The following FHIT variants were observed in gnomAD, a reference collection of about 807,000 sequenced individuals.
FHIT encodes fragile histidine triad diadenosine triphosphatase, also known as bis(5'-adenosyl)-triphosphatase.
Under a neutral mutation model 17.9 loss-of-function variants are expected in FHIT, and 19 were observed. The observed-to-expected ratio is 1.06, with a 90% CI of 0.74 to 1.56. The LOEUF is 1.56. FHIT is among the 40% of genes most tolerant of loss of function. The pLI, the probability that FHIT is intolerant of heterozygous loss-of-function variation, is 0.00. For synonymous variants in FHIT, 81 were observed against 69.7 expected (o/e 1.16, Z -0.81); for missense variants, 248 against 189.2 (o/e 1.31, Z -1.82).
chr3:60,444,415 C>T (rs1417243579), intron 5 of FHIT, among the ~76,000 whole-genome samples: 2 of 152,008 alleles, frequency 1.3e-5, no homozygotes, highest in African/African-American at 4.8e-5. Context: ...TGCGGCACTA[C>T]TCACAATAGC....
chr3:60,616,294 A>G (rs1466063226), intron 4 of FHIT, among the ~76,000 whole-genome samples: 3 of 152,244 alleles, frequency 2.0e-5, no homozygotes, highest in Admixed American at 2.0e-4. Context: ...TGAAAATATA[A>G]GCAAAAGTGA....
At chr3:59,991,269 T>C (rs1017567430) in intron 7 of FHIT, among the ~76,000 whole-genome samples, 5 of 152,114 alleles carry the variant, frequency 3.3e-5, no homozygotes, top group African/African-American at 1.2e-4. Flanking sequence ...ATTTACACAG[T>C]AAACCCAATA....
At chr3:60,214,484 C>G (rs1703605703) in intron 5 of FHIT, among the ~76,000 whole-genome samples, 1 of 152,226 alleles carries the variant, frequency 6.6e-6, no homozygotes, top group African/African-American at 2.4e-5. Context: ...TGAAGAGCCT[C>G]CCTGAACTGT....
Position 60,031,821 on chromosome 3 carries a change from G to GA in FHIT, c.104-17670dup, listed in dbSNP as rs547897656. 3.6e-4 allele frequency among the ~76,000 whole-genome samples: 54 copies of GA among 151,874 alleles called. No homozygotes were observed. The Middle Eastern group carries it at 0.01, about 29-fold the overall frequency. On this transcript the variant is annotated intron_variant, in intron 5 of 9. Coordinates refer to ENST00000492590, the MANE Select transcript of FHIT (RefSeq NM_002012.4). ...AGGAAGGAAACACATGAACATGAAT[G>GA]AAAAAAATGACACACAGTTATTTTT...
chr3:61,228,494 TTTGGGTCTTCA>T (rs1362364559), intron 1 of FHIT, among the ~76,000 whole-genome samples: 1 of 152,250 alleles, frequency 6.6e-6, no homozygotes, highest in Non-Finnish European at 1.5e-5. Flanking sequence ...TAACTTCATC[TTTGGGTCTTCA>T]TTTCCTTATG....
chr3:59,964,474 C>T (rs1448453990), intron 7 of FHIT, among the ~76,000 whole-genome samples: 1 of 152,038 alleles, frequency 6.6e-6, no homozygotes, highest in Non-Finnish European at 1.5e-5. Context: ...ACTTCCAGAA[C>T]ATAGAATAAA....
At chr3:61,128,328 C>A (rs376818053) in intron 2 of FHIT, among the ~76,000 whole-genome samples, 170 of 152,296 alleles carry the variant, frequency 1.1e-3, no homozygotes, top group African/African-American at 3.7e-3. Flanking sequence ...CTTAACATCC[C>A]CGATCCTCTA....
chr3:60,709,870 A>C (rs1438324196), intron 4 of FHIT, among the ~76,000 whole-genome samples: 1 of 152,180 alleles, frequency 6.6e-6, no homozygotes, highest in African/African-American at 2.4e-5. Context: ...CATTTTAAAG[A>C]AAATATGTTA....
At chr3:60,737,209 T>C (rs1305904824) in intron 4 of FHIT, among the ~76,000 whole-genome samples, 1 of 152,204 alleles carries the variant, frequency 6.6e-6, no homozygotes, top group African/African-American at 2.4e-5. Flanking sequence ...AGAGCCTCCT[T>C]GTTAATAAAC....
intron 4 of FHIT, among the ~76,000 whole-genome samples, chr3:60,656,053 C>T (rs781928971): frequency 1.3e-5 from 2 of 152,182 alleles, no homozygotes; most frequent in Non-Finnish European, 2.9e-5. Context: ...GCAGTTTAAA[C>T]GATAGCTGCT....
At chr3:59,758,939 A>T (rs891276511) in intron 8 of FHIT, among the ~76,000 whole-genome samples, 1 of 151,898 alleles carries the variant, frequency 6.6e-6, no homozygotes, top group African/African-American at 2.4e-5. Context: ...AGAAAGCTAC[A>T]TTTTTCATGG....
intron 4 of FHIT, among the ~76,000 whole-genome samples, chr3:60,704,031 G>A (rs2041310295): frequency 6.6e-6 from 1 of 152,158 alleles, no homozygotes; most frequent in African/African-American, 2.4e-5. Flanking sequence ...TTGATTGGCA[G>A]AGTTGACCAA....
intron 5 of FHIT, among the ~76,000 whole-genome samples, chr3:60,423,632 G>GTA (rs1317428833): frequency 2.0e-4 from 31 of 151,978 alleles, no homozygotes; most frequent in African/African-American, 7.5e-4. Flanking sequence ...TATGTATTAA[G>GTA]GTCTAACATA....
At chr3:59,897,169 C>A (rs1248958478) in intron 8 of FHIT, among the ~76,000 whole-genome samples, 1 of 152,178 alleles carries the variant, frequency 6.6e-6, no homozygotes, top group Non-Finnish European at 1.5e-5. Flanking sequence ...TCTAAAAGAA[C>A]TTTCTGCAAT....
chr3:61,171,184 T>A (rs1173917682), intron 2 of FHIT, among the ~76,000 whole-genome samples: 1 of 152,224 alleles, frequency 6.6e-6, no homozygotes, highest in Non-Finnish European at 1.5e-5. Flanking sequence ...CGGTGTTGAT[T>A]TGCATTTCTC....
intron 5 of FHIT, among the ~76,000 whole-genome samples, chr3:60,124,611 A>T (rs1705457441): frequency 6.6e-6 from 1 of 152,128 alleles, no homozygotes; most frequent in Non-Finnish European, 1.5e-5. Context: ...ATCTTCTTTA[A>T]TCAAAGTGTC....
chr3:59,756,135 A>T lies in FHIT; in HGVS notation c.349-3814T>A, dbSNP rs576830871. Among the ~76,000 whole-genome samples, 341 of 152,204 alleles carry T rather than the reference A, an allele frequency of 2.2e-3. 5 individuals are homozygous for T. The highest frequency in any genetic ancestry group is 7.9e-3 in the African/African-American group (328 of 41,496). On this transcript the variant is annotated intron_variant, in intron 8 of 9. Coordinates refer to ENST00000492590, the MANE Select transcript of FHIT (RefSeq NM_002012.4). ...GACCTAATGACAGCGAGCACTAAAA[A>T]TTCCACAGAGGTTGTTTCTAGGAGT...
At chr3:59,966,631 T>C in intron 7 of FHIT, among the ~76,000 whole-genome samples, 1 of 152,200 alleles carries the variant, frequency 6.6e-6, no homozygotes, top group East Asian at 1.9e-4. Flanking sequence ...AGTATTCATG[T>C]ATCTAAATAA....
chr3:60,202,037 T>C (rs1702937340), intron 5 of FHIT, among the ~76,000 whole-genome samples: 1 of 152,158 alleles, frequency 6.6e-6, no homozygotes, highest in South Asian at 2.1e-4. Context: ...AGAAAAATAA[T>C]CTTGGAAATT....
Sources: allele counts gnomAD v4.1 joint callset (sites outside exome capture counted in the v4.1 genomes callset), GRCh38; gene constraint gnomAD v4.1.1; transcripts MANE v1.5; gene names NCBI Gene and HGNC (gene_info 2026-07-23, HGNC 2026-07-21).